Variants in SYNE2 observed in about 807,000 individuals in gnomAD.
SYNE2 encodes the protein spectrin repeat containing nuclear envelope protein 2.
Under a neutral mutation model 856.3 loss-of-function variants are expected in SYNE2, and 431 were observed. That is an observed-to-expected ratio of 0.50 (90% CI 0.47 to 0.55). The LOEUF (loss-of-function observed/expected upper bound fraction) is 0.55. Ranked by LOEUF, SYNE2 falls within the 20% of genes least tolerant of loss-of-function variation. SYNE2 has a pLI of 0.00. For missense variants in SYNE2, 8,129 were observed against 8,023.2 expected (o/e 1.01, Z -0.50); for synonymous variants, 2,923 against 2,872.3 (o/e 1.02, Z -0.56).
In SYNE2 at chr14:64,167,370, G is replaced by A. The variant is rs138769395; in HGVS notation, c.16743G>A (p.Thr5581=). ...GGCAATGGATTCGGGCCACGGCCAC[G>A]GCACTGGAGCGCTGCAGGTTAGAAC... ...MNRQWIRATA[T]ALERCSELQG... Residue 5581 remains threonine (T), a synonymous_variant, in exon 91 of 116, where the codon ACG becomes ACA. Transcript: ENST00000555002. 4.4e-4 allele frequency: 704 copies of A among 1,614,208 alleles called. 3 individuals are homozygous for A. In the African/African-American group the frequency reaches 8.3e-3, roughly 19 times the overall value.
chr14:64,142,055 A>G lies in SYNE2; in HGVS notation c.15273A>G (p.Ala5091=), dbSNP rs747183293. Residue 5091 remains alanine, a synonymous_variant, in exon 82 of 116, where the codon GCA becomes GCG. Transcript: ENST00000555002. ...DEDSVHSPSS[A]SQVKHLLQKH... ...ACTCCGTGCATTCACCAAGTTCTGCATCTCAAGTTAAACATCTTCTTCAGA... is the reference window on the plus strand; with the variant it reads ...ACTCCGTGCATTCACCAAGTTCTGCGTCTCAAGTTAAACATCTTCTTCAGA... 3 of 1,614,024 alleles carry G rather than the reference A, an allele frequency of 1.9e-6. No individual in the cohort carries two copies. The highest frequency in any genetic ancestry group is 2.5e-6 in the Non-Finnish European group (3 of 1,180,008).
At chr14:64,218,605 A>G (rs1308856132) in intron 109 of SYNE2, 93 bp downstream of exon 109, 1 of 1,240,752 alleles carries the variant, frequency 8.1e-7, no homozygotes. Flanking sequence ...AACCAACTAT[A>G]CGATTCGCCA....
chr14:64,100,531 AATATATATATAT>A lies in SYNE2; in HGVS notation c.12382-1372_12382-1361del, dbSNP rs1204839640. 5.4e-3 allele frequency among the ~76,000 whole-genome samples: 213 copies of A among 39,304 alleles called. 4 individuals carry two copies. Among genetic ancestry groups the A allele is most frequent in the Middle Eastern group, 0.02 (1 of 50 alleles). 25.8% of individuals were successfully genotyped at this position (39,304 alleles called of 152,430 possible). ...AACTGTCTCAAAAAAAAAAAAAAAA[AATATATATATAT>A]ATATATATATATATATATATATATA... On this transcript the variant is annotated intron_variant, in intron 63 of 115. Transcript: ENST00000555002.
chr14:64,082,121 T>A (rs1346762798), intron 57 of SYNE2, among the ~76,000 whole-genome samples: 1 of 151,488 alleles, frequency 6.6e-6, no homozygotes, highest in Non-Finnish European at 1.5e-5. Context: ...ATAGTGCTGA[T>A]GGTTTTGGTT....
rs962500882 is a variant in SYNE2, at chr14:63,811,049, A to G, written c.-304-41452A>G. ...ATGGGGTTTCACCGTGTTAGACAGG[A>G]TGTTCTTGATCTCCTGACCTCGTGA... is the stretch of plus-strand genomic sequence containing the variant. On this transcript the variant is annotated intron_variant, in intron 1 of 23. Coordinates refer to the SYNE2 transcript ENST00000674003. 2.6e-5 allele frequency among the ~76,000 whole-genome samples: 4 copies of G among 151,994 alleles called. No individual in the cohort carries two copies. The East Asian group carries it at 7.8e-4, about 29-fold the overall frequency.
intron 38 of SYNE2, chr14:64,023,938 A>C (rs1173175902): frequency 6.5e-6 from 2 of 305,598 alleles, no homozygotes; most frequent in Admixed American, 4.7e-5. Flanking sequence ...TAAAATTCTT[A>C]TTTGGGCAAC....
intron 84 of SYNE2, 117 bp downstream of exon 84, chr14:64,146,340 T>C (rs1033150234): frequency 7.2e-5 from 70 of 971,288 alleles, no homozygotes; most frequent in Middle Eastern, 2.6e-4. Context: ...TCCCCTCTAT[T>C]TACTTATTTT....
At chr14:63,897,435 TTATC>T (rs1305568382) in intron 1 of SYNE2, among the ~76,000 whole-genome samples, 4 of 152,212 alleles carry the variant, frequency 2.6e-5, no homozygotes, top group African/African-American at 9.7e-5. Flanking sequence ...CAGCGACAGT[TTATC>T]TGTTTCTCTG....
chr14:64,010,908 G>A (rs1229982591), intron 32 of SYNE2, among the ~76,000 whole-genome samples: 1 of 152,128 alleles, frequency 6.6e-6, no homozygotes, highest in Non-Finnish European at 1.5e-5. Flanking sequence ...CAAATTGCTG[G>A]GTTTATAGGC....
At position 64,183,305 on chromosome 14, in the gene SYNE2, C is replaced by G. The variant is rs563621074; in HGVS notation, c.17557-3119C>G. ...GTGGCGGCCGGGCAGAGGCGCTCCTCCCATCCCAGACGGGGCGGCAGGGCA... is the reference window on the plus strand; with the variant it reads ...GTGGCGGCCGGGCAGAGGCGCTCCTGCCATCCCAGACGGGGCGGCAGGGCA... On this transcript the variant is annotated intron_variant, in intron 96 of 115. Coordinates refer to ENST00000555002, the MANE Select transcript of SYNE2 (RefSeq NM_182914.3). Among the ~76,000 whole-genome samples the G allele has an allele frequency of 5.3e-3, 806 of 151,728 alleles. 6 individuals carry two copies. Among genetic ancestry groups the G allele is most frequent in the African/African-American group, 0.018 (764 of 41,338 alleles).
chr14:64,043,895 T>G (rs1486137731), intron 45 of SYNE2, among the ~76,000 whole-genome samples: 1 of 152,190 alleles, frequency 6.6e-6, no homozygotes, highest in African/African-American at 2.4e-5. Flanking sequence ...GGTCTCACTG[T>G]CACCTAGCCT....
intron 66 of SYNE2, among the ~76,000 whole-genome samples, chr14:64,117,696 C>T (rs994674432): frequency 6.6e-6 from 1 of 152,016 alleles, no homozygotes; most frequent in African/African-American, 2.4e-5. Context: ...CAACTGTGAC[C>T]CATCACATGA....
intron 1 of SYNE2, among the ~76,000 whole-genome samples, chr14:63,845,893 A>C (rs1890211904): frequency 6.6e-6 from 1 of 151,592 alleles, no homozygotes; most frequent in Admixed American, 6.6e-5. Flanking sequence ...GGCATGCACC[A>C]CCATGCCCAG....
At chr14:64,184,035 A>T (rs1264568137) in intron 96 of SYNE2, among the ~76,000 whole-genome samples, 3 of 152,054 alleles carry the variant, frequency 2.0e-5, no homozygotes, top group Non-Finnish European at 2.9e-5. Flanking sequence ...ATGATTGTTG[A>T]CATTTTTATA....
rs747524140 is a variant in SYNE2 at position 64,021,937 on chromosome 14, C to G, written c.5433C>G (p.Leu1811=). The change falls in exon 37 of 116, where the codon CTC becomes CTG. Residue 1811 remains leucine, a synonymous_variant. Coordinates refer to ENST00000555002, the MANE Select transcript of SYNE2 (RefSeq NM_182914.3). Reference sequence around the variant, plus strand: ...AAATAGGTTGTCTGACTCCTGAACTCTCTGAATTGAAAAAGCAATATGAAA... The same window carrying G: ...AAATAGGTTGTCTGACTCCTGAACTGTCTGAATTGAAAAAGCAATATGAAA... The part of the protein sequence containing the change: ...ENQIGCLTPE[L]SELKKQYESV... 2 of 1,613,862 alleles carry G rather than the reference C, an allele frequency of 1.2e-6. No homozygotes were observed. Among genetic ancestry groups the G allele is most frequent in the East Asian group, 4.5e-5 (2 of 44,808 alleles).
chr14:63,789,002 A>G (rs2139761063), intron 1 of SYNE2, among the ~76,000 whole-genome samples: 1 of 152,358 alleles, frequency 6.6e-6, no homozygotes, highest in Admixed American at 6.5e-5. Flanking sequence ...AATGTGGTGT[A>G]TATATACACA....
At chr14:63,978,491 TTAA>T (rs1566959357) in intron 13 of SYNE2, among the ~76,000 whole-genome samples, 1 of 152,244 alleles carries the variant, frequency 6.6e-6, no homozygotes, top group African/African-American at 2.4e-5. Context: ...GGTGTTAGCA[TTAA>T]TAATGAAAAC....
intron 85 of SYNE2, among the ~76,000 whole-genome samples, chr14:64,157,019 A>G (rs372229267): frequency 7.9e-5 from 12 of 152,312 alleles, no homozygotes; most frequent in African/African-American, 2.6e-4. Context: ...CTCACATCAC[A>G]CTACCCATAA....
At chr14:63,834,585 C>T (rs1200550854) in intron 1 of SYNE2, among the ~76,000 whole-genome samples, 1 of 152,000 alleles carries the variant, frequency 6.6e-6, no homozygotes, top group Non-Finnish European at 1.5e-5. Flanking sequence ...GCCTTGGCCT[C>T]CCAAAGTGCT....
Sources: allele counts gnomAD v4.1 joint callset (sites outside exome capture counted in the v4.1 genomes callset), GRCh38; gene constraint gnomAD v4.1.1; transcripts MANE v1.5; gene names NCBI Gene and HGNC (gene_info 2026-07-23, HGNC 2026-07-21).